The following NT5DC3 variants were observed in gnomAD, a reference collection of about 807,000 sequenced individuals.
NT5DC3 encodes 5'-nucleotidase domain containing 3, also known as 5'-nucleotidase domain-containing protein 3.
In NT5DC3, 42 loss-of-function variants were observed where a neutral mutation model predicts 67.8. That is an observed-to-expected ratio of 0.62 (90% confidence interval 0.48 to 0.80). NT5DC3 has a LOEUF of 0.80. Among genes scored for constraint, NT5DC3 ranks in the 30% least tolerant of loss-of-function variants. NT5DC3 has a pLI of 0.00. For synonymous variants in NT5DC3, 237 were observed against 255.6 expected, an observed-to-expected ratio of 0.93 and a Z score of 0.69; for missense variants, 570 against 696.4, an observed-to-expected ratio of 0.82 and a Z score of 2.04.
At chr12:103,755,197 G>A in the NT5DC3 span, 9 of 1,491,072 alleles carry the variant, frequency 6.0e-6, no homozygotes, top group Non-Finnish European at 8.2e-6. Flanking sequence ...GGCAAAGTGA[G>A]ACTTTATGGG....
At chr12:103,797,110 GGAAGCCTTTTCCGT>G in intron 5 of NT5DC3, 79 bp from the exon 6 acceptor site, 1 of 1,499,722 alleles carries the variant, frequency 6.7e-7, no homozygotes, top group Non-Finnish European at 9.2e-7. Flanking sequence ...AGGAACAGCA[GGAAGCCTTTTCCGT>G]GACTAAACGA....
chr12:103,755,341 G>A, the NT5DC3 span: 87 of 1,614,096 alleles, frequency 5.4e-5, no homozygotes, highest in Middle Eastern at 1.3e-3. Flanking sequence ...GCTGGAGACC[G>A]GGCGGGTTGC....
intron 1 of NT5DC3, among the ~76,000 whole-genome samples, chr12:103,837,687 C>T (rs1415515140): frequency 1.3e-5 from 2 of 152,246 alleles, no homozygotes; most frequent in African/African-American, 4.8e-5. Flanking sequence ...TACCTTTGCT[C>T]CAGTTCCCAA....
intron 9 of NT5DC3, among the ~76,000 whole-genome samples, chr12:103,791,588 CACACCTAGGTAGAACA>C (rs1886064004): frequency 6.6e-6 from 1 of 152,208 alleles, no homozygotes; most frequent in Non-Finnish European, 1.5e-5. Flanking sequence ...TCCTGGTGGA[CACACCTAGGTAGAACA>C]TCCCTTTCTC....
chr12:103,746,705 G>A, the NT5DC3 span: 5 of 1,613,486 alleles, frequency 3.1e-6, no homozygotes, highest in Non-Finnish European at 4.2e-6. Context: ...ACATGCACAG[G>A]TAAGCCACCT....
intron 11 of NT5DC3, among the ~76,000 whole-genome samples, chr12:103,786,127 C>A (rs1885761317): frequency 6.6e-6 from 1 of 151,996 alleles, no homozygotes; most frequent in African/African-American, 2.4e-5. Context: ...CACAAAAAAA[C>A]TGAGAAATCC....
At chr12:103,764,888 A>C in the NT5DC3 span, among the ~76,000 whole-genome samples, 2 of 151,966 alleles carry the variant, frequency 1.3e-5, no homozygotes, top group African/African-American at 4.8e-5. Flanking sequence ...ACCTGAGGTC[A>C]AGAGTTCAAG....
chr12:103,818,496 C>T (rs774554990), intron 1 of NT5DC3, among the ~76,000 whole-genome samples: 1 of 148,822 alleles, frequency 6.7e-6, no homozygotes, highest in Non-Finnish European at 1.5e-5. Flanking sequence ...CTGCCTCTGC[C>T]TCCCAAGTAG....
At chr12:103,810,539 G>A (rs939862595) in intron 2 of NT5DC3, among the ~76,000 whole-genome samples, 3 of 152,316 alleles carry the variant, frequency 2.0e-5, no homozygotes, top group South Asian at 2.1e-4. Context: ...AAAGCAGTCA[G>A]AAATATAAAA....
At chr12:103,749,095 C>G in the NT5DC3 span, 2 of 1,613,926 alleles carry the variant, frequency 1.2e-6, no homozygotes, top group South Asian at 2.2e-5. Flanking sequence ...GAGATAGACC[C>G]CTGTGCAGAC....
intron 1 of NT5DC3, among the ~76,000 whole-genome samples, chr12:103,816,530 G>A (rs1887260292): frequency 6.6e-6 from 1 of 152,168 alleles, no homozygotes; most frequent in South Asian, 2.1e-4. Context: ...AGGGTCCACT[G>A]GATGTTAGGT....
chr12:103,812,417 G>A (rs1239934446), intron 2 of NT5DC3, among the ~76,000 whole-genome samples: 2 of 152,062 alleles, frequency 1.3e-5, no homozygotes, highest in Non-Finnish European at 2.9e-5. Flanking sequence ...TTTTATCAAA[G>A]CAACAAACAG....
chr12:103,817,660 A>C (rs1490514631), intron 1 of NT5DC3, among the ~76,000 whole-genome samples: 3 of 152,208 alleles, frequency 2.0e-5, no homozygotes, highest in African/African-American at 7.2e-5. Flanking sequence ...CATTTCACAA[A>C]CGAAGACACT....
intron 2 of NT5DC3, among the ~76,000 whole-genome samples, chr12:103,814,146 C>T (rs527668558): frequency 2.6e-5 from 4 of 152,364 alleles, no homozygotes; most frequent in Non-Finnish European, 5.9e-5. Flanking sequence ...CTGTCTCCTA[C>T]TCATCTTTAT....
At chr12:103,817,698 C>T (rs1479449704) in intron 1 of NT5DC3, among the ~76,000 whole-genome samples, 3 of 152,266 alleles carry the variant, frequency 2.0e-5, no homozygotes, top group Non-Finnish European at 2.9e-5. Context: ...ACTTTATTTG[C>T]TAAGGATACA....
Position 103,782,457 on chromosome 12 carries a change from C to T in NT5DC3, c.1330-2093G>A, listed in dbSNP as rs138427708. 9.3e-4 allele frequency among the ~76,000 whole-genome samples: 141 copies of T among 152,318 alleles called. 4 individuals are homozygous for T. In the East Asian group the frequency reaches 0.023, roughly 25 times the overall value. On this transcript the variant is annotated intron_variant, in intron 12 of 13. Transcript: ENST00000392876. ...ACCAATAAAGTTTATTGGGACACAG[C>T]TACAACCATTCATTCACATACTGTC...
chr12:103,749,841 C>CAAAAAAAAAAAAAAAAAAAAAAAAAA, the NT5DC3 span, among the ~76,000 whole-genome samples: 2 of 51,132 alleles, frequency 3.9e-5, 1 homozygote, highest in Non-Finnish European at 7.0e-5. Context: ...CTCTGTCTCA[C>CAAAAAAAAAAAAAAAAAAAAAAAAAA]AAAAAAAAAA....
chr12:103,751,386 A>T, the NT5DC3 span, among the ~76,000 whole-genome samples: 2 of 152,178 alleles, frequency 1.3e-5, no homozygotes, highest in Admixed American at 6.5e-5. Context: ...GAGGAGTGAG[A>T]TGAGGTTGAA....
At chr12:103,836,671 C>CT (rs138830663) in intron 1 of NT5DC3, among the ~76,000 whole-genome samples, 19,215 of 152,060 alleles carry the variant, frequency 0.13, 1,412 homozygotes, top group Middle Eastern at 0.28. Flanking sequence ...TTCCTTTTTC[C>CT]TTTTTTAACT....
Sources: gnomAD v4.1 joint callset for allele counts (sites outside exome capture counted in the v4.1 genomes callset) on GRCh38, gnomAD v4.1.1 for gene constraint, MANE v1.5 for transcripts, NCBI Gene and HGNC (gene_info 2026-07-23, HGNC 2026-07-21) for gene names.